Variants in EYS observed in about 807,000 individuals in gnomAD.
EYS encodes protein eyes shut homolog.
EYS carries 250 observed loss-of-function variants against 282.1 expected under a neutral mutation model. That is an observed-to-expected ratio of 0.89 (90% confidence interval 0.80 to 0.98). The LOEUF (loss-of-function observed/expected upper bound fraction) is 0.98, where lower values mean the gene tolerates loss of function less well. EYS is among the 50% of genes least tolerant of loss of function. The pLI is 0.00. For missense variants in EYS, 4,016 were observed against 3,709.0 expected (o/e 1.08, Z -2.15); for synonymous variants, 1,355 against 1,282.9 (o/e 1.06, Z -1.20).
At chr6:64,597,831 A>G (rs1294346988) in intron 24 of EYS, among the ~76,000 whole-genome samples, 1 of 152,222 alleles carries the variant, frequency 6.6e-6, no homozygotes, top group Non-Finnish European at 1.5e-5. Context: ...ACAGTCACGT[A>G]ACAAAATTGC....
chr6:65,183,572 T>A (rs1214347097), intron 12 of EYS, among the ~76,000 whole-genome samples: 1 of 151,942 alleles, frequency 6.6e-6, no homozygotes, highest in Non-Finnish European at 1.5e-5. Flanking sequence ...CTTCCTTAAT[T>A]ACTTTATCAA....
At chr6:64,967,363 C>A (rs1017623569) in intron 14 of EYS, among the ~76,000 whole-genome samples, 1 of 151,304 alleles carries the variant, frequency 6.6e-6, no homozygotes, top group South Asian at 2.1e-4. Flanking sequence ...CTCACTCTGT[C>A]CCCCAAGCTG....
intron 19 of EYS, among the ~76,000 whole-genome samples, chr6:64,849,857 T>G (rs9363273): frequency 0.15 from 22,966 of 151,566 alleles, 1,962 homozygotes; most frequent in East Asian, 0.42. Flanking sequence ...TGGACAAAAT[T>G]TTCTACTAAA....
intron 9 of EYS, among the ~76,000 whole-genome samples, chr6:65,346,598 G>A (rs1441715174): frequency 2.0e-5 from 3 of 151,510 alleles, no homozygotes; most frequent in East Asian, 2.0e-4. Context: ...ATGAGAAAAC[G>A]AGGGGATCAA....
At chr6:64,334,061 A>G (rs1770746858) in intron 29 of EYS, among the ~76,000 whole-genome samples, 1 of 152,204 alleles carries the variant, frequency 6.6e-6, no homozygotes, top group Non-Finnish European at 1.5e-5. Flanking sequence ...CAGGTAGGGG[A>G]AACAACTTGC....
intron 11 of EYS, among the ~76,000 whole-genome samples, chr6:65,312,268 T>C (rs1769181064): frequency 6.6e-6 from 1 of 151,272 alleles, no homozygotes. Flanking sequence ...CCTATGATGC[T>C]TGACTAACTC....
chr6:64,091,762 T>A (rs146683103), intron 31 of EYS, among the ~76,000 whole-genome samples: 5,039 of 152,312 alleles, frequency 0.033, 92 homozygotes, highest in Non-Finnish European at 0.052. Flanking sequence ...GTCTTTTTTT[T>A]AATTATACTT....
intron 13 of EYS, among the ~76,000 whole-genome samples, chr6:65,048,695 G>T (rs1490589531): frequency 6.6e-6 from 1 of 151,844 alleles, no homozygotes; most frequent in Admixed American, 6.6e-5. Flanking sequence ...TATGCTTGAA[G>T]CTCTCCTGAT....
chr6:64,953,628 A>G (rs1464249673), intron 14 of EYS, among the ~76,000 whole-genome samples: 1 of 151,894 alleles, frequency 6.6e-6, no homozygotes, highest in Non-Finnish European at 1.5e-5. Flanking sequence ...CAGCAAGAGA[A>G]AATGATTTAT....
chr6:65,441,124 T>G (rs988857108), intron 5 of EYS, among the ~76,000 whole-genome samples: 2 of 151,152 alleles, frequency 1.3e-5, no homozygotes, highest in South Asian at 4.1e-4. Flanking sequence ...CAATAAGAAA[T>G]GTGTGTATTT....
At chr6:64,553,253 G>A (rs1254770417) in intron 26 of EYS, among the ~76,000 whole-genome samples, 1 of 152,022 alleles carries the variant, frequency 6.6e-6, no homozygotes, top group Non-Finnish European at 1.5e-5. Context: ...AAATTAGCCA[G>A]CAATATACTT....
chr6:64,812,970 A>T (rs1388744430), intron 22 of EYS, among the ~76,000 whole-genome samples: 1 of 152,070 alleles, frequency 6.6e-6, no homozygotes, highest in Admixed American at 6.6e-5. Context: ...AATTTTTATA[A>T]CCTATTAAGA....
chr6:65,030,099 A>G (rs1382864787), intron 13 of EYS, among the ~76,000 whole-genome samples: 2 of 152,162 alleles, frequency 1.3e-5, no homozygotes, highest in Admixed American at 1.3e-4. Flanking sequence ...CTAGGGATGT[A>G]CATCCCCCAA....
At chr6:65,539,740 T>A (rs547114392) in intron 2 of EYS, among the ~76,000 whole-genome samples, 4 of 152,194 alleles carry the variant, frequency 2.6e-5, no homozygotes, top group African/African-American at 4.8e-5. Context: ...CTTTAAAAAA[T>A]TTAGATGAAA....
intron 26 of EYS, among the ~76,000 whole-genome samples, chr6:64,548,389 T>C (rs1181366855): frequency 2.0e-5 from 3 of 152,208 alleles, no homozygotes; most frequent in Admixed American, 6.5e-5. Context: ...GTATGTTTAT[T>C]GCGGCACTAT....
intron 35 of EYS, among the ~76,000 whole-genome samples, chr6:63,928,306 G>T (rs1387448124): frequency 6.6e-6 from 1 of 152,084 alleles, no homozygotes; most frequent in Non-Finnish European, 1.5e-5. Flanking sequence ...TTAAAAAAAA[G>T]TACATAATGC....
chr6:64,591,429 T>C lies in EYS; in HGVS notation c.4438A>G (p.Arg1480Gly), dbSNP rs753332937. ...EEYSADSLIS[R>G]REHWRLLSPS... ...CTGAGCAATCTCCAGTGCTCTCTTCTTGAAATTAAAGAATCAGCTGAATAT... is the reference window on the plus strand; with the variant it reads ...CTGAGCAATCTCCAGTGCTCTCTTCCTGAAATTAAAGAATCAGCTGAATAT... The change falls in exon 26 of 43, where the codon AGA (arginine) becomes GGA (glycine). Residue 1480 changes from arginine to glycine, a missense_variant. Physicochemically the swap from Arg to Gly is moderately radical, Grantham distance 125. Coordinates refer to ENST00000503581, the MANE Select transcript of EYS (RefSeq NM_001142800.2). 2 of 1,551,376 alleles carry C rather than the reference T, an allele frequency of 1.3e-6. No homozygotes were observed. The highest frequency in any genetic ancestry group is 2.4e-5 in the South Asian group (2 of 84,066).
At chr6:64,982,806 A>G (rs1770721795) in intron 14 of EYS, among the ~76,000 whole-genome samples, 1 of 151,208 alleles carries the variant, frequency 6.6e-6, no homozygotes, top group Non-Finnish European at 1.5e-5. Context: ...TGTTGATTGT[A>G]TTTATGCTTA....
chr6:64,412,753 T>A (rs1042160563), intron 28 of EYS: 1 of 152,172 alleles, frequency 6.6e-6, no homozygotes, highest in African/African-American at 2.4e-5. Flanking sequence ...TAGTTCTGTT[T>A]AAAGATAAAG....
Sources: allele counts gnomAD v4.1 joint callset (sites outside exome capture counted in the v4.1 genomes callset), GRCh38; gene constraint gnomAD v4.1.1; transcripts MANE v1.5; gene names NCBI Gene and HGNC (gene_info 2026-07-23, HGNC 2026-07-21).